IMMP2L: variants seen among roughly 807,000 people sequenced by gnomAD.
IMMP2L encodes the protein mitochondrial inner membrane protease subunit 2.
In IMMP2L, 18 loss-of-function variants were observed where a neutral mutation model predicts 19.3. The observed-to-expected ratio is 0.93, with a 90% CI of 0.64 to 1.38. IMMP2L has a LOEUF of 1.38. IMMP2L is among the 40% of genes most tolerant of loss of function. IMMP2L has a pLI of 0.00. For missense variants in IMMP2L, 233 were observed against 218.2 expected, an observed-to-expected ratio of 1.07 and a Z score of -0.43; for synonymous variants, 76 against 73.0, an observed-to-expected ratio of 1.04 and a Z score of -0.21.
intron 3 of IMMP2L, among the ~76,000 whole-genome samples, chr7:111,474,647 A>C (rs1841564068): frequency 6.6e-6 from 1 of 151,960 alleles, no homozygotes; most frequent in Admixed American, 6.6e-5. Context: ...CTCACTGATA[A>C]TTGGCCTCTT....
At chr7:111,278,470 T>C (rs1819347291) in intron 3 of IMMP2L, among the ~76,000 whole-genome samples, 1 of 152,148 alleles carries the variant, frequency 6.6e-6, no homozygotes, top group Non-Finnish European at 1.5e-5. Flanking sequence ...CACAGTCAGA[T>C]CAGATAGTTT....
chr7:111,525,018 A>G (rs1348846052), intron 1 of IMMP2L, among the ~76,000 whole-genome samples: 1 of 152,204 alleles, frequency 6.6e-6, no homozygotes, highest in East Asian at 1.9e-4. Flanking sequence ...GAACAAGGCC[A>G]GTCCCAGTCC....
intron 4 of IMMP2L, among the ~76,000 whole-genome samples, chr7:110,947,525 A>G (rs958150975): frequency 1.3e-5 from 2 of 152,132 alleles, no homozygotes; most frequent in South Asian, 4.1e-4. Flanking sequence ...CATAAACCAA[A>G]TTCTAATCTG....
chr7:111,082,642 T>C (rs1563222653), intron 3 of IMMP2L, among the ~76,000 whole-genome samples: 5 of 152,172 alleles, frequency 3.3e-5, no homozygotes, highest in African/African-American at 4.8e-5. Flanking sequence ...CCCAGGCTTG[T>C]GGTTCACACA....
intron 3 of IMMP2L, among the ~76,000 whole-genome samples, chr7:111,128,238 C>T (rs1801505952): frequency 6.6e-6 from 1 of 152,048 alleles, no homozygotes; most frequent in African/African-American, 2.4e-5. Context: ...ATAAATAGGA[C>T]AAATTTTCGA....
chr7:111,001,678 T>C (rs1049209840), intron 3 of IMMP2L, among the ~76,000 whole-genome samples: 3 of 152,330 alleles, frequency 2.0e-5, no homozygotes, highest in African/African-American at 7.2e-5. Flanking sequence ...ACATGATTAA[T>C]ATGATATTTA....
At chr7:111,264,648 G>T (rs1817650297) in intron 3 of IMMP2L, among the ~76,000 whole-genome samples, 1 of 151,588 alleles carries the variant, frequency 6.6e-6, no homozygotes, top group South Asian at 2.1e-4. Context: ...TTGCAGGGAA[G>T]ATTAGACGGT....
At chr7:111,304,025 C>T (rs1822556322) in intron 3 of IMMP2L, among the ~76,000 whole-genome samples, 1 of 152,138 alleles carries the variant, frequency 6.6e-6, no homozygotes, top group East Asian at 1.9e-4. Flanking sequence ...AAGTTTATTG[C>T]ATCAGAAAGA....
intron 3 of IMMP2L, among the ~76,000 whole-genome samples, chr7:111,289,573 ATTCT>A (rs1820866364): frequency 1.3e-5 from 2 of 152,166 alleles, no homozygotes; most frequent in South Asian, 4.1e-4. Context: ...ATCTCAAGTT[ATTCT>A]TTCTGTCGCT....
chr7:111,423,818 G>A (rs964490520), intron 3 of IMMP2L, among the ~76,000 whole-genome samples: 3 of 151,768 alleles, frequency 2.0e-5, no homozygotes, highest in African/African-American at 4.9e-5. Context: ...CAGTGCAGAA[G>A]TGAAAGACAC....
At chr7:110,940,365 CAAAT>C (rs1448548265) in intron 4 of IMMP2L, among the ~76,000 whole-genome samples, 2 of 150,780 alleles carry the variant, frequency 1.3e-5, no homozygotes, top group African/African-American at 4.9e-5. Flanking sequence ...ACAACATAGA[CAAAT>C]AAAAACAATT....
At position 110,756,493 on chromosome 7, in the gene IMMP2L, C is replaced by T. The variant is rs11983829; in HGVS notation, c.409-92772G>A. Among the ~76,000 whole-genome samples the T allele has an allele frequency of 5.1e-3, 776 of 152,108 alleles. 3 individuals are homozygous for T. Among genetic ancestry groups the T allele is most frequent in the African/African-American group, 0.017 (726 of 41,494 alleles). ...GGAAATAGTGTTTGTGCCTCAGCTG[C>T]TTAAAATGTTATTTTGAACCCATGG... On this transcript the variant is annotated intron_variant, in intron 5 of 5. Transcript: ENST00000405709.
chr7:111,283,693 C>T (rs933309744), intron 3 of IMMP2L, among the ~76,000 whole-genome samples: 1 of 152,148 alleles, frequency 6.6e-6, no homozygotes, highest in Non-Finnish European at 1.5e-5. Context: ...CATGATTGGC[C>T]GGGCGCGGTG....
intron 3 of IMMP2L, among the ~76,000 whole-genome samples, chr7:111,438,966 T>C (rs1267092024): frequency 6.6e-6 from 1 of 151,874 alleles, no homozygotes; most frequent in South Asian, 2.1e-4. Flanking sequence ...GAAACACTTC[T>C]TGCCTCAGAG....
At chr7:111,037,835 G>A (rs1423670331) in intron 3 of IMMP2L, among the ~76,000 whole-genome samples, 1 of 152,252 alleles carries the variant, frequency 6.6e-6, no homozygotes, top group East Asian at 1.9e-4. Flanking sequence ...ACTATGTGCA[G>A]AAAATAGCAA....
chr7:111,561,592 G>A (rs1048697678), intron 1 of IMMP2L, among the ~76,000 whole-genome samples: 2 of 152,130 alleles, frequency 1.3e-5, no homozygotes, highest in African/African-American at 4.8e-5. Flanking sequence ...TAAAGGGGAA[G>A]TGCAGTTTTC....
intron 4 of IMMP2L, among the ~76,000 whole-genome samples, chr7:110,953,130 A>G (rs1818004232): frequency 6.6e-6 from 1 of 152,126 alleles, no homozygotes; most frequent in Non-Finnish European, 1.5e-5. Flanking sequence ...TCATTTTGGA[A>G]TATTCAAGAT....
chr7:110,713,014 T>G (rs1794998113), intron 5 of IMMP2L, among the ~76,000 whole-genome samples: 1 of 152,184 alleles, frequency 6.6e-6, no homozygotes, highest in Admixed American at 6.5e-5. Flanking sequence ...CTGTTCCTAT[T>G]CGGCCATCTT....
intron 3 of IMMP2L, among the ~76,000 whole-genome samples, chr7:111,191,368 A>G (rs1350025553): frequency 6.6e-6 from 1 of 151,786 alleles, no homozygotes; most frequent in Non-Finnish European, 1.5e-5. Flanking sequence ...CACATTCACT[A>G]TAACAGAATA....
Sources: gnomAD v4.1 joint callset for allele counts (sites outside exome capture counted in the v4.1 genomes callset) on GRCh38, gnomAD v4.1.1 for gene constraint, MANE v1.5 for transcripts, NCBI Gene and HGNC (gene_info 2026-07-23, HGNC 2026-07-21) for gene names.